SETD7: variants seen among roughly 807,000 people sequenced by gnomAD.
The protein encoded by SETD7 is histone-lysine N-methyltransferase SETD7.
A neutral mutation model predicts 41.8 loss-of-function variants in SETD7; 16 were observed. That is an observed-to-expected ratio of 0.38 (90% confidence interval 0.26 to 0.58). The LOEUF is 0.58. Among genes scored for constraint, SETD7 ranks in the 20% least tolerant of loss-of-function variants. The pLI, the probability that SETD7 is intolerant of heterozygous loss-of-function variation, is 0.64. For synonymous variants in SETD7, 163 were observed against 169.7 expected, an observed-to-expected ratio of 0.96 and a Z score of 0.31; for missense variants, 346 against 459.7, an observed-to-expected ratio of 0.75 and a Z score of 2.26.
At chr4:139,540,468 G>C (rs1054759305) in intron 2 of SETD7, among the ~76,000 whole-genome samples, 27 of 152,338 alleles carry the variant, frequency 1.8e-4, no homozygotes, top group African/African-American at 6.3e-4. Flanking sequence ...CAGATGTAGT[G>C]AAAAAGAGGG....
Position 139,529,179 on chromosome 4 carries a change from C to T in SETD7, c.414G>A (p.Glu138=), listed in dbSNP as rs751453454. ...SLVGEVNEDG[E]MTGEKIAYVY... ...CATAGGCTATCTTCTCTCCAGTCAT[C>T]TCCCCATCTTCATTTACTTCTCCTA... is the stretch of plus-strand genomic sequence containing the variant. Residue 138 remains glutamate (E), a synonymous_variant, in exon 4 of 8, where the codon GAG becomes GAA. Transcript: ENST00000274031. 2.6e-5 allele frequency: 42 copies of T among 1,613,744 alleles called. No individual in the cohort carries two copies. In the East Asian group the frequency reaches 9.1e-4, roughly 35 times the overall value.
In SETD7 at chr4:139,507,989, T is replaced by C. The variant is rs1368165707; in HGVS notation, c.*3674A>G. ...TAAAACAAAGCAAAACAGAAAATGATACCTCTACCTTCTTGGAAGATTTTA... is the reference window on the plus strand; with the variant it reads ...TAAAACAAAGCAAAACAGAAAATGACACCTCTACCTTCTTGGAAGATTTTA... On this transcript the variant is annotated 3_prime_UTR_variant, in exon 8 of 8. Coordinates refer to ENST00000274031, the MANE Select transcript of SETD7 (RefSeq NM_030648.4). 1 of 152,218 alleles carries C rather than the reference T, an allele frequency of 6.6e-6. No individual in the cohort carries two copies. Among genetic ancestry groups the C allele is most frequent in the East Asian group, 1.9e-4 (1 of 5,202 alleles). The allele number at this position is 152,218 out of a possible 1,614,324, so 9.4% of individuals were successfully genotyped here. A position where few individuals can be genotyped will look rare whatever the true frequency, so the allele number is the denominator to read the frequency against.
chr4:139,499,030 C>T (rs1427008789), intron 7 of SETD7, among the ~76,000 whole-genome samples: 2 of 152,168 alleles, frequency 1.3e-5, no homozygotes, highest in African/African-American at 4.8e-5. Context: ...CCACTGCCCT[C>T]CCACCTGAGC....
At chr4:139,534,876 T>G (rs186128850) in intron 2 of SETD7, among the ~76,000 whole-genome samples, 3 of 152,328 alleles carry the variant, frequency 2.0e-5, no homozygotes, top group African/African-American at 7.2e-5. Flanking sequence ...CTGTGAATGA[T>G]CTATAATTAT....
In SETD7 at chr4:139,511,552, G is replaced by C; in HGVS notation, c.*111C>G. The C allele has an allele frequency of 6.4e-7, 1 of 1,572,236 alleles. No individual in the cohort carries two copies. The highest frequency in any genetic ancestry group is 8.6e-7 in the Non-Finnish European group (1 of 1,166,424). ...GAAAGTCGTTGCTAACGCATGGTGAGAGGATGTGACGTCACAGCATGAGCA... is the reference window on the plus strand; with the variant it reads ...GAAAGTCGTTGCTAACGCATGGTGACAGGATGTGACGTCACAGCATGAGCA... On this transcript the variant is annotated 3_prime_UTR_variant, in exon 8 of 8. Coordinates refer to ENST00000274031, the MANE Select transcript of SETD7 (RefSeq NM_030648.4).
At chr4:139,534,196 AAC>A (rs1216195545) in intron 2 of SETD7, among the ~76,000 whole-genome samples, 6 of 152,174 alleles carry the variant, frequency 3.9e-5, no homozygotes, top group Admixed American at 2.0e-4. Context: ...CAAGTTCAGG[AAC>A]ATGTTTTCAT....
intron 2 of SETD7, among the ~76,000 whole-genome samples, chr4:139,533,901 C>T (rs1727561832): frequency 6.6e-6 from 1 of 152,190 alleles, no homozygotes. Context: ...GGTATCCAGT[C>T]AAATGAAATC....
At chr4:139,521,631 C>T (rs906943331) in intron 5 of SETD7, among the ~76,000 whole-genome samples, 14 of 152,176 alleles carry the variant, frequency 9.2e-5, no homozygotes, top group Non-Finnish European at 2.9e-5. Flanking sequence ...CACTTTGCCA[C>T]GTGACCTTGT....
In SETD7 at chr4:139,523,339, C is replaced by T. The variant is rs779620514; in HGVS notation, c.644+15G>A. On this transcript the variant is annotated intron_variant, in intron 5 of 7. Coordinates refer to ENST00000274031, the MANE Select transcript of SETD7 (RefSeq NM_030648.4). ...CACATAAACAGTGCAATTAAAACCC[C>T]AAGGAGGAAATTACCTTTCTGATTC... The T allele has an allele frequency of 3.8e-6, 6 of 1,591,548 alleles. No individual in the cohort carries two copies. The highest frequency in any genetic ancestry group is 5.2e-6 in the Non-Finnish European group (6 of 1,159,826).
At chr4:139,521,838 T>C (rs768313342) in intron 5 of SETD7, among the ~76,000 whole-genome samples, 2 of 152,240 alleles carry the variant, frequency 1.3e-5, no homozygotes, top group Non-Finnish European at 2.9e-5. Flanking sequence ...CCTAGGGGGC[T>C]GTTGCTCCCT....
chr4:139,496,438 G>A (rs2111105098), exon 8 of SETD7: 1 of 702,432 alleles, frequency 1.4e-6, no homozygotes, highest in East Asian at 2.7e-5. Context: ...TTCTACCCAG[G>A]GCGCTTGATC....
At chr4:139,493,830 G>A (rs1033354319), downstream of SETD7, among the ~76,000 whole-genome samples, 1 of 152,204 alleles carries the variant, frequency 6.6e-6, no homozygotes, top group African/African-American at 2.4e-5. Context: ...GTAAGCCACT[G>A]CGGCTGGCTG....
chr4:139,520,835 T>C (rs1727159113), intron 5 of SETD7, among the ~76,000 whole-genome samples: 1 of 152,226 alleles, frequency 6.6e-6, no homozygotes, highest in African/African-American at 2.4e-5. Context: ...ATGTATCTTC[T>C]ATATGCAACA....
At chr4:139,543,591 GCTAACA>G (rs1244226003) in intron 2 of SETD7, among the ~76,000 whole-genome samples, 3 of 151,984 alleles carry the variant, frequency 2.0e-5, no homozygotes, top group African/African-American at 7.3e-5. Context: ...TGAGGTCCTC[GCTAACA>G]CTATTTTTCC....
chr4:139,545,301 C>T (rs926685831), intron 2 of SETD7, among the ~76,000 whole-genome samples: 40 of 152,064 alleles, frequency 2.6e-4, no homozygotes, highest in African/African-American at 8.9e-4. Context: ...GTCTCTACAC[C>T]TCGTGGCAGA....
chr4:139,500,485 T>C (rs2056407), intron 7 of SETD7, among the ~76,000 whole-genome samples: 23,127 of 152,232 alleles, frequency 0.15, 2,328 homozygotes, highest in East Asian at 0.38. Context: ...TAAACTAAGT[T>C]TAAGAAAGCT....
chr4:139,538,319 A>G (rs773784404), intron 2 of SETD7, among the ~76,000 whole-genome samples: 7 of 152,180 alleles, frequency 4.6e-5, no homozygotes, highest in Non-Finnish European at 1.0e-4. Flanking sequence ...TTTCACATAC[A>G]GTATTTAAGA....
intron 1 of SETD7, 90 bp downstream of exon 1, chr4:139,556,008 G>A (rs1276957547): frequency 8.9e-6 from 12 of 1,344,280 alleles, no homozygotes; most frequent in Non-Finnish European, 1.2e-5. Context: ...CGGCCGCGGG[G>A]CCCGGCGCCG....
At chr4:139,549,203 T>C (rs933108266) in intron 1 of SETD7, among the ~76,000 whole-genome samples, 1 of 152,226 alleles carries the variant, frequency 6.6e-6, no homozygotes, top group Non-Finnish European at 1.5e-5. Context: ...GCTTTCACCA[T>C]AGAAAACAGT....
Sources: gnomAD v4.1 joint callset for allele counts (sites outside exome capture counted in the v4.1 genomes callset) on GRCh38, gnomAD v4.1.1 for gene constraint, MANE v1.5 for transcripts, NCBI Gene and HGNC (gene_info 2026-07-23, HGNC 2026-07-21) for gene names.